TMEM131: variants seen among roughly 807,000 people sequenced by gnomAD.
TMEM131 encodes the protein 2610524E03Rik.
A neutral mutation model predicts 211.6 loss-of-function variants in TMEM131; 66 were observed. The observed-to-expected ratio is 0.31, with a 90% CI of 0.26 to 0.38. TMEM131 has a LOEUF of 0.38. Ranked by LOEUF, TMEM131 falls within the 10% of genes least tolerant of loss-of-function variation. The probability of loss-of-function intolerance (pLI) is 1.00; values close to 1 mark genes in which losing one functional copy is unlikely to be tolerated. For synonymous variants in TMEM131, 844 were observed against 841.3 expected (o/e 1.00, Z -0.06); for missense variants, 2,036 against 2,299.3 (o/e 0.89, Z 2.34).
intron 1 of TMEM131, among the ~76,000 whole-genome samples, chr2:97,935,004 T>C (rs1028969621): frequency 1.4e-5 from 2 of 148,004 alleles, no homozygotes; most frequent in Admixed American, 1.3e-4. Context: ...AAAAAAAAAA[T>C]GATAAATTGT....
intron 4 of TMEM131, among the ~76,000 whole-genome samples, chr2:97,865,168 G>T (rs968836814): frequency 9.2e-5 from 14 of 152,192 alleles, no homozygotes; most frequent in Non-Finnish European, 1.3e-4. Flanking sequence ...TTGGCCTTCT[G>T]CCCTTCTCAA....
At chr2:97,922,336 G>C (rs1466746071) in intron 2 of TMEM131, among the ~76,000 whole-genome samples, 1 of 152,126 alleles carries the variant, frequency 6.6e-6, no homozygotes, top group Non-Finnish European at 1.5e-5. Flanking sequence ...CCATGGCATG[G>C]GGGTTGGGGA....
chr2:97,830,470 G>A (rs1455971645), intron 11 of TMEM131, among the ~76,000 whole-genome samples: 2 of 152,174 alleles, frequency 1.3e-5, no homozygotes, highest in Non-Finnish European at 2.9e-5. Context: ...ACCCTCAAGT[G>A]AAATTCAACG....
At chr2:97,763,625 G>C (rs190708755) in intron 35 of TMEM131, 32 of 152,634 alleles carry the variant, frequency 2.1e-4, no homozygotes, top group Admixed American at 1.9e-3. Flanking sequence ...TTGTACAACT[G>C]TCCTGACCCT....
intron 1 of TMEM131, among the ~76,000 whole-genome samples, chr2:97,936,688 C>T (rs1273548607): frequency 6.6e-6 from 1 of 152,058 alleles, no homozygotes; most frequent in Admixed American, 6.6e-5. Flanking sequence ...CAACAACAAA[C>T]CTTAGGGAGG....
At chr2:97,845,020 AGC>A (rs2105113576) in intron 5 of TMEM131, among the ~76,000 whole-genome samples, 1 of 152,256 alleles carries the variant, frequency 6.6e-6, no homozygotes, top group African/African-American at 2.4e-5. Context: ...GTCTGAAGAA[AGC>A]GAGAGTATGT....
intron 4 of TMEM131, 175 bp downstream of exon 4, chr2:97,887,877 C>T: frequency 1.8e-6 from 1 of 553,844 alleles, no homozygotes; most frequent in Non-Finnish European, 3.2e-6. Flanking sequence ...TGTTAGACTC[C>T]TAATAGATAC....
At chr2:97,781,861 T>C (rs943607333) in intron 31 of TMEM131, among the ~76,000 whole-genome samples, 1 of 152,162 alleles carries the variant, frequency 6.6e-6, no homozygotes, top group African/African-American at 2.4e-5. Flanking sequence ...CAGCTATCTC[T>C]TGCCAAAGGT....
At chr2:97,972,016 T>A (rs1451799575) in intron 1 of TMEM131, among the ~76,000 whole-genome samples, 1 of 152,114 alleles carries the variant, frequency 6.6e-6, no homozygotes, top group Non-Finnish European at 1.5e-5. Flanking sequence ...GAGACCAGCA[T>A]GGCCAACATG....
At chr2:97,822,740 A>G (rs1356642965) in intron 11 of TMEM131, among the ~76,000 whole-genome samples, 1 of 152,130 alleles carries the variant, frequency 6.6e-6, no homozygotes, top group African/African-American at 2.4e-5. Context: ...TCCGATCAGC[A>G]GGGTCCAGGG....
intron 25 of TMEM131, among the ~76,000 whole-genome samples, chr2:97,797,793 A>G (rs1191752209): frequency 3.3e-5 from 5 of 152,256 alleles, no homozygotes; most frequent in Non-Finnish European, 7.3e-5. Context: ...TTTTGGATAC[A>G]TATCTTTTTT....
At chr2:97,776,505 T>C (rs531502498) in intron 31 of TMEM131, among the ~76,000 whole-genome samples, 14 of 152,376 alleles carry the variant, frequency 9.2e-5, no homozygotes, top group Admixed American at 2.6e-4. Flanking sequence ...ATGAGAACAA[T>C]TTTAAAAATC....
In TMEM131 at chr2:97,795,030, T is replaced by C; in HGVS notation, c.3286A>G (p.Asn1096Asp). The change falls in exon 29 of 41, where the codon AAT (asparagine) becomes GAT (aspartate). Residue 1096 changes from asparagine (N) to aspartate (D), a missense_variant. Transcript: ENST00000186436. ...TSGSEFVFILNASLPYHMLAT... is the reference protein window; with the variant it reads ...TSGSEFVFILDASLPYHMLAT... ...AACATATGGTAAGGAAGGGATGCAT[T>C]CAATATAAATACAAACTCAGAGCCA... is the stretch of plus-strand genomic sequence containing the variant. 6.2e-7 allele frequency: 1 copy of C among 1,613,762 alleles called. No homozygotes were observed. The highest frequency in any genetic ancestry group is 8.5e-7 in the Non-Finnish European group (1 of 1,179,720).
chr2:97,896,911 A>T lies in TMEM131; in HGVS notation c.291-8791T>A, dbSNP rs892890722. On this transcript the variant is annotated intron_variant, in intron 3 of 40. Coordinates refer to ENST00000186436, the MANE Select transcript of TMEM131 (RefSeq NM_015348.2). Reference sequence around the variant, plus strand: ...GTTGAAATTTCTATTGGAATTGCTTAATCTAAAACTGATCTGGGGAGAATT... The same window carrying T: ...GTTGAAATTTCTATTGGAATTGCTTTATCTAAAACTGATCTGGGGAGAATT... 1.4e-4 allele frequency among the ~76,000 whole-genome samples: 21 copies of T among 152,236 alleles called. 1 individual carries two copies. Among genetic ancestry groups the T allele is most frequent in the Admixed American group, 1.3e-3 (20 of 15,260 alleles).
intron 1 of TMEM131, among the ~76,000 whole-genome samples, chr2:97,962,053 T>C (rs1678841227): frequency 6.6e-6 from 1 of 152,222 alleles, no homozygotes; most frequent in South Asian, 2.1e-4. Context: ...AAAACTATAA[T>C]GTTCTAGAGA....
intron 1 of TMEM131, among the ~76,000 whole-genome samples, chr2:97,930,456 T>A (rs1677172431): frequency 6.6e-6 from 1 of 151,814 alleles, no homozygotes; most frequent in African/African-American, 2.4e-5. Flanking sequence ...GTATGAGTTA[T>A]GTTAAAAATA....
intron 5 of TMEM131, among the ~76,000 whole-genome samples, chr2:97,853,601 G>A (rs1276646171): frequency 3.3e-5 from 4 of 123,028 alleles, no homozygotes; most frequent in East Asian, 2.0e-4. Context: ...GTGAGACCCC[G>A]TCTTGGAAAA....
chr2:97,978,630 C>T (rs565313864), intron 1 of TMEM131, among the ~76,000 whole-genome samples: 12 of 152,284 alleles, frequency 7.9e-5, no homozygotes, highest in African/African-American at 2.4e-4. Flanking sequence ...ATATTCCTCC[C>T]GCCTAGGCCT....
intron 1 of TMEM131, among the ~76,000 whole-genome samples, chr2:97,962,283 C>T (rs904042181): frequency 4.6e-5 from 7 of 152,132 alleles, no homozygotes; most frequent in African/African-American, 1.7e-4. Flanking sequence ...GCAGGTGGAT[C>T]ACAAGGTCAG....
Sources: allele counts gnomAD v4.1 joint callset (sites outside exome capture counted in the v4.1 genomes callset), GRCh38; gene constraint gnomAD v4.1.1; transcripts MANE v1.5; gene names NCBI Gene and HGNC (gene_info 2026-07-23, HGNC 2026-07-21).